Variants in VCX3B observed in about 807,000 individuals in gnomAD.
VCX3B encodes the protein variable charge X-linked 3B, also known as variable charge X-linked protein 3B.
For missense variants in VCX3B, 43 were observed against 195.3 expected (o/e 0.22, Z 4.65); for synonymous variants, 15 against 85.8 (o/e 0.17, Z 4.56).
In VCX3B at chrX:8,466,432, C is replaced by T. The variant is rs367627226; in HGVS notation, c.*49C>T. On this transcript the variant is annotated 3_prime_UTR_variant, in exon 3 of 3. Transcript: ENST00000381032. Reference sequence around the variant, plus strand: ...CGAGAGCAGCGACTAAGTTCAGGCCCAGCCGCCAGACCTCAGAGATCTCAC... The same window carrying T: ...CGAGAGCAGCGACTAAGTTCAGGCCTAGCCGCCAGACCTCAGAGATCTCAC... The T allele has an allele frequency of 7.0e-6, 7 of 1,006,421 alleles. 1 individual carries two copies. In the African/African-American group the frequency reaches 2.7e-4, roughly 38 times the overall value. The allele number at this position is 1,006,421 out of a possible 1,213,427, so 82.9% of individuals were successfully genotyped here.
intron 1 of VCX3B, 54 bp downstream of exon 1, chrX:8,465,044 C>T: frequency 8.3e-6 from 2 of 239,712 alleles, no homozygotes; most frequent in Non-Finnish European, 1.4e-5. Context: ...ACAGAATGTA[C>T]CACTGAATGG....
In VCX3B at chrX:8,465,474, G is replaced by T. The variant is rs765586716; in HGVS notation, c.24G>T (p.Ser8=). Residue 8 remains serine (S), a synonymous_variant, in exon 2 of 3, where the codon TCG becomes TCT. Coordinates refer to ENST00000381032, the MANE Select transcript of VCX3B (RefSeq NM_001001888.4). ...AGATGAGTCCAAAGCCGAGAGCCTC[G>T]GGACCTCCGGCCAAGGCCAAGGAGG... MSPKPRA[S]GPPAKAKEAG... is the part of the protein sequence containing the mutation. The T allele has an allele frequency of 3.0e-6, 3 of 1,009,912 alleles. No homozygotes were observed. The highest frequency in any genetic ancestry group is 4.0e-6 in the Non-Finnish European group (3 of 749,239). The allele number at this position is 1,009,912 out of a possible 1,213,427, so 83.2% of individuals were successfully genotyped here.
Position 8,465,259 on chromosome X carries a change from G to A in VCX3B, c.-146-46G>A, listed in dbSNP as rs1362565728. ...CCCCGCCCCCGACTTCATCCGCCAT[G>A]TCCTGATGGTGCTTTGTGACGTATA... On this transcript the variant is annotated intron_variant, in intron 1 of 2. Transcript: ENST00000381032. 4 of 388,311 alleles carry A rather than the reference G, an allele frequency of 1.0e-5. No homozygotes were observed. The East Asian group carries it at 1.9e-4, about 18-fold the overall frequency. 32.0% of individuals were successfully genotyped at this position (388,311 alleles called of 1,213,427 possible).
In VCX3B at chrX:8,466,305, G is replaced by A. The variant is rs808146; in HGVS notation, c.663G>A (p.Glu221=). 2.8e-4 allele frequency: 302 copies of A among 1,095,661 alleles called. 4 individuals carry two copies. The highest frequency in any genetic ancestry group is 3.4e-4 in the Middle Eastern group (1 of 2,900). The allele number at this position is 1,095,661 out of a possible 1,213,427, so 90.3% of individuals were successfully genotyped here. Residue 221 remains glutamate (E), a synonymous_variant, in exon 3 of 3, where the codon GAG becomes GAA. Coordinates refer to ENST00000381032, the MANE Select transcript of VCX3B (RefSeq NM_001001888.4). ...EEPLSQESQV[E]EPLSQESEME... ...CACTGAGTCAGGAGAGCCAGGTGGA[G>A]GAACCACTGAGTCAGGAGAGCGAGA...
At chrX:8,465,270 G>T (rs1255326917) in intron 1 of VCX3B, 35 bp from the exon 2 acceptor site, 3 of 424,697 alleles carry the variant, frequency 7.1e-6, no homozygotes, top group Non-Finnish European at 1.2e-5. Flanking sequence ...TCCTGATGGT[G>T]CTTTGTGACG....
chrX:8,466,466 T>C lies in VCX3B; in HGVS notation c.*83T>C. 2 of 905,326 alleles carry C rather than the reference T, an allele frequency of 2.2e-6. No individual in the cohort carries two copies. The highest frequency in any genetic ancestry group is 2.8e-6 in the Non-Finnish European group (2 of 718,000). 74.6% of individuals were successfully genotyped at this position (905,326 alleles called of 1,213,427 possible). A position where few individuals can be genotyped will look rare whatever the true frequency, so the allele number is the denominator to read the frequency against. The stretch of plus-strand genomic sequence containing the variant: ...GACCTCAGAGATCTCACCAGCGGGG[T>C]GCTTGCCATTCTGATGATAATAAAA... On this transcript the variant is annotated 3_prime_UTR_variant, in exon 3 of 3. Coordinates refer to ENST00000381032, the MANE Select transcript of VCX3B (RefSeq NM_001001888.4).
At position 8,466,269 on chromosome X, in the gene VCX3B, G is replaced by A; in HGVS notation, c.627G>A (p.Glu209=). The change falls in exon 3 of 3, where the codon GAG becomes GAA. Residue 209 remains glutamate, a synonymous_variant. Transcript: ENST00000381032. ...QVEEPLSQES[E]MEEPLSQESQ... ...AGGAACCACTGAGTCAGGAGAGCGA[G>A]ATGGAAGAACCACTGAGTCAGGAGA... The A allele has an allele frequency of 9.0e-7, 1 of 1,112,799 alleles. No individual in the cohort carries two copies. The highest frequency in any genetic ancestry group is 1.2e-6 in the Non-Finnish European group (1 of 843,340). 91.7% of individuals were successfully genotyped at this position (1,112,799 alleles called of 1,213,427 possible). A position where few individuals can be genotyped will look rare whatever the true frequency, so the allele number is the denominator to read the frequency against.
rs1928450458 is a variant in VCX3B at position 8,464,838 on chromosome X, G to T, written c.-299G>T. 3 of 115,445 alleles carry T rather than the reference G, an allele frequency of 2.6e-5. No individual in the cohort carries two copies. Among genetic ancestry groups the T allele is most frequent in the African/African-American group, 1.1e-4 (3 of 28,473 alleles). The allele number at this position is 115,445 out of a possible 1,213,427, so 9.5% of individuals were successfully genotyped here. A position where few individuals can be genotyped will look rare whatever the true frequency, so the allele number is the denominator to read the frequency against. On this transcript the variant is annotated 5_prime_UTR_variant, in exon 1 of 3. It removes an upstream start codon present in the reference 5' UTR. Coordinates refer to ENST00000381032, the MANE Select transcript of VCX3B (RefSeq NM_001001888.4). ...AAAAATTGTGAGGCACTATGTGGAT[G>T]CTGGGAGAAGTATGTGAGATGGAAA... is the stretch of plus-strand genomic sequence containing the variant.
In VCX3B at chrX:8,466,402, A is replaced by G. The variant is rs774332783; in HGVS notation, c.*19A>G. Reference sequence around the variant, plus strand: ...TGTGTAGACGGCCAAGTACTCCCCTATCTCCGAGAGCAGCGACTAAGTTCA... The same window carrying G: ...TGTGTAGACGGCCAAGTACTCCCCTGTCTCCGAGAGCAGCGACTAAGTTCA... On this transcript the variant is annotated 3_prime_UTR_variant, in exon 3 of 3. Coordinates refer to ENST00000381032, the MANE Select transcript of VCX3B (RefSeq NM_001001888.4). 97 of 1,068,817 alleles carry G rather than the reference A, an allele frequency of 9.1e-5. 2 individuals are homozygous for G. The highest frequency in any genetic ancestry group is 7.2e-4 in the Middle Eastern group (2 of 2,788). The allele number at this position is 1,068,817 out of a possible 1,213,427, so 88.1% of individuals were successfully genotyped here. A position where few individuals can be genotyped will look rare whatever the true frequency, so the allele number is the denominator to read the frequency against.
rs761125590 is a variant in VCX3B at position 8,466,415 on chromosome X, G to C, written c.*32G>C. 15 of 1,053,445 alleles carry C rather than the reference G, an allele frequency of 1.4e-5. No individual in the cohort carries two copies. The highest frequency in any genetic ancestry group is 2.0e-5 in the South Asian group (1 of 49,664). 86.8% of individuals were successfully genotyped at this position (1,053,445 alleles called of 1,213,427 possible). ...AAGTACTCCCCTATCTCCGAGAGCA[G>C]CGACTAAGTTCAGGCCCAGCCGCCA... On this transcript the variant is annotated 3_prime_UTR_variant, in exon 3 of 3. Transcript: ENST00000381032.
rs1928467572 is a variant in VCX3B, at chrX:8,465,382, A to G, written c.-69A>G. On this transcript the variant is annotated 5_prime_UTR_variant, in exon 2 of 3. Transcript: ENST00000381032. ...GATTGTCTCGTCCTGGGATCGCGAG[A>G]GGTGTATATACAGGGAGGCCAGGCA... 1 of 1,164,177 alleles carries G rather than the reference A, an allele frequency of 8.6e-7. No individual in the cohort carries two copies. Among genetic ancestry groups the G allele is most frequent in the South Asian group, 1.9e-5 (1 of 53,587 alleles).
In VCX3B at chrX:8,466,351, G is replaced by C. The variant is rs1401561685; in HGVS notation, c.709G>C (p.Glu237Gln). 1.4e-5 allele frequency: 15 copies of C among 1,079,094 alleles called. 3 individuals carry two copies. The highest frequency in any genetic ancestry group is 1.8e-5 in the Non-Finnish European group (15 of 822,199). The allele number at this position is 1,079,094 out of a possible 1,213,427, so 88.9% of individuals were successfully genotyped here. Reference protein sequence around the residue: ...ESEMEEPLSQESEMEELPSV With the variant: ...ESEMEEPLSQQSEMEELPSV Reference sequence around the variant, plus strand: ...CGAGATGGAAGAACCACTGAGTCAGGAGAGCGAGATGGAAGAACTACCGAG... The same window carrying C: ...CGAGATGGAAGAACCACTGAGTCAGCAGAGCGAGATGGAAGAACTACCGAG... Residue 237 changes from glutamate (E) to glutamine (Q), a missense_variant, in exon 3 of 3, where the codon GAG becomes CAG. Transcript: ENST00000381032.
chrX:8,464,830 A>T lies in VCX3B; in HGVS notation c.-307A>T, dbSNP rs1928450305. The T allele has an allele frequency of 8.7e-6, 1 of 115,032 alleles. No individual in the cohort carries two copies. The highest frequency in any genetic ancestry group is 1.7e-5 in the Non-Finnish European group (1 of 57,749). 9.5% of individuals were successfully genotyped at this position (115,032 alleles called of 1,213,427 possible). On this transcript the variant is annotated 5_prime_UTR_variant, in exon 1 of 3. It removes an upstream start codon present in the reference 5' UTR. Transcript: ENST00000381032. ...TGAGAATGAAAAATTGTGAGGCACT[A>T]TGTGGATGCTGGGAGAAGTATGTGA...
intron 1 of VCX3B, 103 bp downstream of exon 1, chrX:8,465,093 T>A (rs1367635558): frequency 3.3e-6 from 1 of 304,795 alleles, no homozygotes; most frequent in African/African-American, 3.4e-5. Flanking sequence ...TATCCTCCCG[T>A]GCCACGTGAT....
Position 8,465,951 on chromosome X carries a change from CCT to C in VCX3B, c.310_311del (p.Leu104GlufsTer?), listed in dbSNP as rs1315481730. 9.1e-7 allele frequency: 1 copy of C among 1,094,924 alleles called. No homozygotes were observed. The highest frequency in any genetic ancestry group is 1.2e-6 in the Non-Finnish European group (1 of 823,821). 90.2% of individuals were successfully genotyped at this position (1,094,924 alleles called of 1,213,427 possible). A position where few individuals can be genotyped will look rare whatever the true frequency, so the allele number is the denominator to read the frequency against. On this transcript the variant is annotated frameshift_variant, in exon 3 of 3. Transcript: ENST00000381032. LOFTEE classifies it low-confidence loss of function (END_TRUNC). ...PVSEGTQHDP[L>X]SQESELEEPL... ...TGAGCGAGGGGACCCAGCACGACCC[CCT>C]GAGTCAGGAGAGCGAGCTGGAGGAA...
In VCX3B at chrX:8,466,161, A is replaced by G; in HGVS notation, c.519A>G (p.Pro173=). 2 of 872,898 alleles carry G rather than the reference A, an allele frequency of 2.3e-6. No individual in the cohort carries two copies. The highest frequency in any genetic ancestry group is 2.9e-6 in the Non-Finnish European group (2 of 689,182). 71.9% of individuals were successfully genotyped at this position (872,898 alleles called of 1,213,427 possible). The change falls in exon 3 of 3, where the codon CCA becomes CCG. Residue 173 remains proline (P), a synonymous_variant. Transcript: ENST00000381032. Reference sequence around the variant, plus strand: ...GTCAGGAGAGCGAGGTGGAAGAACCACTGAGTCAGGAGAGCCAGGTGGAGG... The same window carrying G: ...GTCAGGAGAGCGAGGTGGAAGAACCGCTGAGTCAGGAGAGCCAGGTGGAGG... ...PLSQESEVEE[P]LSQESQVEEP... is the part of the protein sequence containing the mutation.
Sources: gnomAD v4.1 joint callset for allele counts on GRCh38, gnomAD v4.1.1 for gene constraint, MANE v1.5 for transcripts, NCBI Gene and HGNC (gene_info 2026-07-23, HGNC 2026-07-21) for gene names.